SGO1: variants seen among roughly 807,000 people sequenced by gnomAD.
SGO1 encodes serologically defined breast cancer antigen NY-BR-85.
A neutral mutation model predicts 50.5 loss-of-function variants in SGO1; 39 were observed. The ratio of observed to expected loss-of-function variants is 0.77; its 90% CI spans 0.60 to 1.01. The LOEUF (loss-of-function observed/expected upper bound fraction) is 1.01. Ranked by LOEUF, SGO1 falls within the 50% of genes least tolerant of loss-of-function variation. The pLI is 0.00. For synonymous variants in SGO1, 191 were observed against 205.1 expected (o/e 0.93, Z 0.59); for missense variants, 638 against 606.0 (o/e 1.05, Z -0.55).
chr3:20,169,266 T>G (rs904483975), downstream of SGO1: 3 of 984,884 alleles, frequency 3.0e-6, no homozygotes, highest in Non-Finnish European at 3.6e-6. Context: ...CAGAGATAAG[T>G]TGGGAGAGAG....
intron 3 of SGO1, among the ~76,000 whole-genome samples, chr3:20,180,687 G>T (rs930623963): frequency 6.6e-6 from 1 of 152,148 alleles, no homozygotes; most frequent in African/African-American, 2.4e-5. Context: ...GCAGATCTCT[G>T]TTATGAAGAT....
chr3:20,171,327 A>C, intron 6 of SGO1, 95 bp from the exon 7 acceptor site: 1 of 1,010,614 alleles, frequency 9.9e-7, no homozygotes, highest in Non-Finnish European at 1.4e-6. Flanking sequence ...CTGTACACAA[A>C]ATCCAGCATT....
intron 6 of SGO1, 120 bp downstream of exon 6, chr3:20,174,129 G>A (rs1701083445): frequency 5.0e-6 from 4 of 793,724 alleles, no homozygotes; most frequent in Non-Finnish European, 8.2e-6. Flanking sequence ...ACCAAAGAGA[G>A]ACAGATGGTA....
Position 20,170,688 on chromosome 3 carries a change from A to G in SGO1, c.*16T>C. The G allele has an allele frequency of 6.4e-7, 1 of 1,560,998 alleles. No homozygotes were observed. Among genetic ancestry groups the G allele is most frequent in the Admixed American group, 2.2e-5 (1 of 45,432 alleles). On this transcript the variant is annotated 3_prime_UTR_variant, in exon 8 of 8. Transcript: ENST00000412997. ...AAGAGGTGTAGATTGAATTTAAACA[A>G]TATCCAACAAAACCTTCATTGTATT...
rs1012927417 is a variant in SGO1 at position 20,176,731 on chromosome 3, T to C, written c.417-72A>G. 6.7e-6 allele frequency: 7 copies of C among 1,046,410 alleles called. No homozygotes were observed. In the South Asian group the frequency reaches 1.1e-4, roughly 16 times the overall value. 64.8% of individuals were successfully genotyped at this position (1,046,410 alleles called of 1,614,324 possible). On this transcript the variant is annotated intron_variant, in intron 4 of 7. Coordinates refer to ENST00000412997, the MANE Select transcript of SGO1 (RefSeq NM_001199251.3). The stretch of plus-strand genomic sequence containing the variant: ...AAAACAAATTCAGTATTTTCCTAAA[T>C]TATAATTTTTCTTTCCTTTAGTATC...
chr3:20,168,379 G>C (rs920300863), downstream of SGO1, among the ~76,000 whole-genome samples: 2 of 151,602 alleles, frequency 1.3e-5, no homozygotes, highest in African/African-American at 4.8e-5. Flanking sequence ...TACTTTACTG[G>C]AGTTCAAAGT....
Position 20,181,141 on chromosome 3 carries a change from C to T in SGO1, c.339+2467G>A, listed in dbSNP as rs374834254. Among the ~76,000 whole-genome samples the T allele has an allele frequency of 3.2e-4, 49 of 152,238 alleles. No homozygotes were observed. The South Asian group carries it at 9.1e-3, about 28-fold the overall frequency. On this transcript the variant is annotated intron_variant, in intron 3 of 7. Coordinates refer to ENST00000412997, the MANE Select transcript of SGO1 (RefSeq NM_001199251.3). Reference sequence around the variant, plus strand: ...CACTGCACCCCAGGCTGGGTAAGAGCGAGACTCTGTCCACCCCCAACCTAC... The same window carrying T: ...CACTGCACCCCAGGCTGGGTAAGAGTGAGACTCTGTCCACCCCCAACCTAC...
At chr3:20,184,623 C>T (rs947694481) in intron 1 of SGO1, among the ~76,000 whole-genome samples, 1 of 152,166 alleles carries the variant, frequency 6.6e-6, no homozygotes, top group Non-Finnish European at 1.5e-5. Flanking sequence ...GCACTACATA[C>T]AATTTTAATA....
downstream of SGO1, chr3:20,169,331 C>A: frequency 1.0e-6 from 1 of 983,052 alleles, no homozygotes; most frequent in East Asian, 1.1e-4. Flanking sequence ...GCAATGACTA[C>A]TGAAAATACT....
chr3:20,171,425 G>A (rs767787948), intron 6 of SGO1, among the ~76,000 whole-genome samples, 193 bp from the exon 7 acceptor site: 7 of 152,010 alleles, frequency 4.6e-5, no homozygotes, highest in Non-Finnish European at 1.0e-4. Flanking sequence ...TGCAACCTCT[G>A]CCTCCTGGTC....
At chr3:20,181,199 G>A (rs1222534432) in intron 3 of SGO1, among the ~76,000 whole-genome samples, 1 of 152,072 alleles carries the variant, frequency 6.6e-6, no homozygotes, top group African/African-American at 2.4e-5. Context: ...AATTTGACAT[G>A]AATATAGCTA....
At chr3:20,182,615 C>T (rs188241981) in intron 3 of SGO1, among the ~76,000 whole-genome samples, 1 of 152,256 alleles carries the variant, frequency 6.6e-6, no homozygotes, top group East Asian at 1.9e-4. Context: ...ATGGTATAGC[C>T]AGACACAAAG....
chr3:20,174,380 G>T lies in SGO1; in HGVS notation c.1151C>A (p.Pro384His). The T allele has an allele frequency of 1.2e-6, 2 of 1,614,072 alleles. No individual in the cohort carries two copies. Among genetic ancestry groups the T allele is most frequent in the African/African-American group, 1.3e-5 (1 of 75,004 alleles). Residue 384 changes from proline to histidine, a missense_variant, in exon 6 of 8, where the codon CCC becomes CAC. Pro to His is a moderately conservative substitution (Grantham distance 77, BLOSUM62 -2). Coordinates refer to ENST00000412997, the MANE Select transcript of SGO1 (RefSeq NM_001199251.3). ...SGDDSDDLYL[P>H]TCKYIQNPTS... ...GGGATTCTGAATGTACTTGCAAGTG[G>T]GCAAATAGAGGTCATCGGAATCATC...
At position 20,178,264 on chromosome 3, in the gene SGO1, T is replaced by C; in HGVS notation, c.416+7A>G. 6.3e-7 allele frequency: 1 copy of C among 1,585,902 alleles called. No individual in the cohort carries two copies. The highest frequency in any genetic ancestry group is 8.7e-7 in the Non-Finnish European group (1 of 1,154,940). The stretch of plus-strand genomic sequence containing the variant: ...TTAATAATCATGATAAAGAATTTGA[T>C]ACTAACGGTAAATCCTTCACAAATA... On this transcript the variant is annotated splice_region_variant and intron_variant, in intron 4 of 7. Coordinates refer to ENST00000412997, the MANE Select transcript of SGO1 (RefSeq NM_001199251.3).
upstream of SGO1, chr3:20,186,310 G>C (rs1702670375): frequency 6.6e-6 from 1 of 152,278 alleles, no homozygotes; most frequent in Non-Finnish European, 1.5e-5. Context: ...CCCGCCAGGC[G>C]ACGTCACGTG....
At chr3:20,178,109 T>C (rs13433691) in intron 4 of SGO1, among the ~76,000 whole-genome samples, 162 bp downstream of exon 4, 1,995 of 152,288 alleles carry the variant, frequency 0.013, 50 homozygotes, top group African/African-American at 0.045. Flanking sequence ...CTATATGTAA[T>C]AGAATTTCAA....
exon 9 of SGO1, chr3:20,161,020 TA>T: frequency 2.5e-6 from 4 of 1,584,704 alleles, no homozygotes; most frequent in Non-Finnish European, 3.4e-6. Flanking sequence ...CCCCAACACA[TA>T]AAGCTAGAAT....
intron 8 of SGO1, among the ~76,000 whole-genome samples, chr3:20,162,944 A>C (rs1237753877): frequency 6.6e-6 from 1 of 151,942 alleles, no homozygotes; most frequent in East Asian, 1.9e-4. Context: ...AAAATACTTT[A>C]GACTAAATGA....
chr3:20,169,357 T>G (rs1283901526), downstream of SGO1: 10 of 984,198 alleles, frequency 1.0e-5, no homozygotes, highest in African/African-American at 1.6e-4. Flanking sequence ...TTAACTCACC[T>G]AGAACACCCC....
Sources: allele counts gnomAD v4.1 joint callset (sites outside exome capture counted in the v4.1 genomes callset), GRCh38; gene constraint gnomAD v4.1.1; transcripts MANE v1.5; gene names NCBI Gene and HGNC (gene_info 2026-07-23, HGNC 2026-07-21).